Variants in SLC26A5 observed in about 807,000 individuals in gnomAD.
SLC26A5 encodes the protein solute carrier family 26 member 5, also known as prestin.
A neutral mutation model predicts 81.0 loss-of-function variants in SLC26A5; 51 were observed. The observed-to-expected ratio is 0.63, with a 90% CI of 0.50 to 0.80. SLC26A5 has a LOEUF of 0.80. Ranked by LOEUF, SLC26A5 falls within the 30% of genes least tolerant of loss-of-function variation. The pLI is 0.00. For synonymous variants in SLC26A5, 325 were observed against 332.8 expected, an observed-to-expected ratio of 0.98 and a Z score of 0.25; for missense variants, 771 against 905.8, an observed-to-expected ratio of 0.85 and a Z score of 1.91.
At chr7:103,393,174 TA>T in intron 9 of SLC26A5, 108 bp from the exon 10 acceptor site, 2 of 1,319,444 alleles carry the variant, frequency 1.5e-6, no homozygotes, top group Non-Finnish European at 2.1e-6. Flanking sequence ...GCAAATGAAG[TA>T]ATCAATGCTT....
chr7:103,371,477 A>G (rs1023309084), downstream of SLC26A5, among the ~76,000 whole-genome samples: 5 of 150,904 alleles, frequency 3.3e-5, no homozygotes, highest in East Asian at 2.0e-4. Flanking sequence ...GGCGCCCGCC[A>G]CTACGCCCGG....
Position 103,376,819 on chromosome 7 carries a change from G to A in SLC26A5, c.2030C>T (p.Ala677Val). The change falls in exon 19 of 20, where the codon GCA becomes GTA. Residue 677 changes from alanine to valine, a missense_variant. Physicochemically the swap from Ala to Val is moderately conservative, Grantham distance 64 (BLOSUM62 0). Transcript: ENST00000306312. The part of the protein sequence containing the change: ...YGDVGIYVYL[A>V]GCSAQVVNDL... ...AGAGGTATACTCACCACTGCATCCTGCTAAGTATACATATATACCGACGTC... is the reference window on the plus strand; with the variant it reads ...AGAGGTATACTCACCACTGCATCCTACTAAGTATACATATATACCGACGTC... 1 of 1,602,880 alleles carries A rather than the reference G, an allele frequency of 6.2e-7. No homozygotes were observed. Among genetic ancestry groups the A allele is most frequent in the Non-Finnish European group, 8.5e-7 (1 of 1,170,396 alleles).
intron 2 of SLC26A5, among the ~76,000 whole-genome samples, chr7:103,426,619 T>C (rs942124993): frequency 6.6e-6 from 1 of 152,184 alleles, no homozygotes; most frequent in African/African-American, 2.4e-5. Context: ...CTTTTTGAGA[T>C]AGCTGGTTGG....
chr7:103,366,366 C>T (rs1820719924), intron 19 of SLC26A5, among the ~76,000 whole-genome samples: 1 of 152,108 alleles, frequency 6.6e-6, no homozygotes, highest in Non-Finnish European at 1.5e-5. Context: ...GTCATTTTTT[C>T]AAAGCCTTTA....
chr7:103,420,273 A>G (rs948717164), intron 4 of SLC26A5, among the ~76,000 whole-genome samples: 5 of 142,180 alleles, frequency 3.5e-5, no homozygotes, highest in African/African-American at 1.3e-4. Flanking sequence ...ATTTTCTACT[A>G]TTAATATCCC....
intron 4 of SLC26A5, among the ~76,000 whole-genome samples, chr7:103,420,000 T>C (rs867704437): frequency 2.6e-5 from 4 of 152,156 alleles, no homozygotes; most frequent in African/African-American, 7.2e-5. Flanking sequence ...AGGTGCCTAA[T>C]AGACATGTAC....
chr7:103,370,798 CAT>C (rs1393052229), downstream of SLC26A5, among the ~76,000 whole-genome samples: 3 of 152,208 alleles, frequency 2.0e-5, no homozygotes, highest in African/African-American at 4.8e-5. Flanking sequence ...ATTCATGAGA[CAT>C]AGATCAACCA....
intron 17 of SLC26A5, 69 bp from the exon 18 acceptor site, chr7:103,377,868 A>C (rs1405606746): frequency 3.4e-6 from 5 of 1,453,356 alleles, no homozygotes; most frequent in Non-Finnish European, 4.8e-6. Context: ...AGAAAGATTT[A>C]TAATGGAAAA....
intron 19 of SLC26A5, among the ~76,000 whole-genome samples, chr7:103,353,465 C>G (rs1488617092): frequency 6.6e-6 from 1 of 152,136 alleles, no homozygotes; most frequent in Non-Finnish European, 1.5e-5. Flanking sequence ...CGCCACCATG[C>G]CAGGCCAATT....
intron 19 of SLC26A5, among the ~76,000 whole-genome samples, chr7:103,358,817 T>C (rs1586153502): frequency 6.6e-6 from 1 of 152,134 alleles, no homozygotes; most frequent in Non-Finnish European, 1.5e-5. Flanking sequence ...ACTTTTCATA[T>C]AGATTTTTCA....
intron 2 of SLC26A5, among the ~76,000 whole-genome samples, chr7:103,424,359 T>C (rs735459): frequency 0.46 from 70,134 of 151,986 alleles, 17,349 homozygotes; most frequent in East Asian, 0.7. Context: ...CTGTAAATTC[T>C]TTGAGACAAT....
intron 11 of SLC26A5, among the ~76,000 whole-genome samples, chr7:103,391,011 A>G (rs1260774397): frequency 1.3e-5 from 2 of 152,100 alleles, no homozygotes; most frequent in Non-Finnish European, 2.9e-5. Context: ...GACTACAGGC[A>G]TCCGCCACCA....
At chr7:103,394,968 C>G (rs1005160083) in intron 9 of SLC26A5, among the ~76,000 whole-genome samples, 12 of 152,176 alleles carry the variant, frequency 7.9e-5, no homozygotes, top group Admixed American at 2.6e-4. Flanking sequence ...AGAGAAGATG[C>G]CTGCTAGCCC....
intron 19 of SLC26A5, among the ~76,000 whole-genome samples, chr7:103,366,906 G>C (rs1003228824): frequency 1.7e-4 from 26 of 152,124 alleles, no homozygotes; most frequent in African/African-American, 6.0e-4. Context: ...CTGGGTTCAA[G>C]CAATTCTCAT....
chr7:103,364,113 G>T, intron 19 of SLC26A5: 1 of 1,604,748 alleles, frequency 6.2e-7, no homozygotes, highest in East Asian at 2.2e-5. Flanking sequence ...TACAGAAGTG[G>T]TAAGTGTGAA....
At chr7:103,382,244 A>G (rs1821855845) in intron 14 of SLC26A5, among the ~76,000 whole-genome samples, 1 of 152,070 alleles carries the variant, frequency 6.6e-6, no homozygotes, top group Admixed American at 6.5e-5. Flanking sequence ...GGAGTAGTCA[A>G]TTGAGGGCGT....
chr7:103,412,947 G>A (rs954913275), intron 5 of SLC26A5, 55 bp downstream of exon 5: 4 of 1,275,962 alleles, frequency 3.1e-6, no homozygotes, highest in Admixed American at 3.4e-5. Context: ...TTGGCACATT[G>A]CAAGGTTGGA....
intron 9 of SLC26A5, among the ~76,000 whole-genome samples, chr7:103,393,851 G>A (rs1822871117): frequency 6.6e-6 from 1 of 152,058 alleles, no homozygotes; most frequent in Non-Finnish European, 1.5e-5. Context: ...TCCAATTCAA[G>A]GCATTGGGCT....
chr7:103,353,973 T>C (rs367809744), intron 19 of SLC26A5: 1 of 1,570,738 alleles, frequency 6.4e-7, no homozygotes, highest in Non-Finnish European at 8.7e-7. Context: ...GTCCTTTCAG[T>C]GTCTACAAAC....
Sources: allele counts gnomAD v4.1 joint callset (sites outside exome capture counted in the v4.1 genomes callset), GRCh38; gene constraint gnomAD v4.1.1; transcripts MANE v1.5; gene names NCBI Gene and HGNC (gene_info 2026-07-23, HGNC 2026-07-21).